The following TENM3 variants were observed in gnomAD, a reference collection of about 807,000 sequenced individuals.
The protein encoded by TENM3 is teneurin-3.
In TENM3, 63 loss-of-function variants were observed where a neutral mutation model predicts 255.1. The observed-to-expected ratio is 0.25, with a 90% confidence interval of 0.20 to 0.30. TENM3 has a LOEUF of 0.30. TENM3 is among the 10% of genes least tolerant of loss of function. TENM3 has a pLI of 1.00. For missense variants in TENM3, 2,929 were observed against 3,461.1 expected, an observed-to-expected ratio of 0.85 and a Z score of 3.86; for synonymous variants, 1,306 against 1,322.3, an observed-to-expected ratio of 0.99 and a Z score of 0.27.
At chr4:182,279,396 G>A (rs545088324) in intron 1 of TENM3, among the ~76,000 whole-genome samples, 7 of 152,124 alleles carry the variant, frequency 4.6e-5, no homozygotes, top group African/African-American at 1.4e-4. Flanking sequence ...TCATAGTCTG[G>A]AAATGCAATG....
chr4:181,605,583 AG>A, the TENM3 span, among the ~76,000 whole-genome samples: 3,133 of 24,350 alleles, frequency 0.13, 536 homozygotes, highest in Admixed American at 0.22. Flanking sequence ...AGAGAAAGAA[AG>A]GAAAGAAAGA....
At chr4:181,501,833 C>T in the TENM3 span, among the ~76,000 whole-genome samples, 26 of 152,298 alleles carry the variant, frequency 1.7e-4, no homozygotes, top group South Asian at 5.2e-3. Flanking sequence ...GATTTCAAGT[C>T]GGTGCTATAG....
the TENM3 span, among the ~76,000 whole-genome samples, chr4:181,905,509 A>G: frequency 6.7e-6 from 1 of 149,812 alleles, no homozygotes; most frequent in African/African-American, 2.5e-5. Context: ...AAACGTGCCC[A>G]CTATGTTGCA....
chr4:182,317,734 A>G (rs1441624067), intron 1 of TENM3, among the ~76,000 whole-genome samples: 1 of 151,770 alleles, frequency 6.6e-6, no homozygotes, highest in Non-Finnish European at 1.5e-5. Flanking sequence ...TATATATATG[A>G]TTTTATTTTT....
intron 25 of TENM3, among the ~76,000 whole-genome samples, chr4:182,790,347 C>G (rs978002008): frequency 1.3e-5 from 2 of 152,172 alleles, no homozygotes; most frequent in East Asian, 3.9e-4. Context: ...CCAAAGAAAT[C>G]ACATCACATC....
intron 1 of TENM3, among the ~76,000 whole-genome samples, chr4:182,283,232 A>G (rs1760512152): frequency 6.6e-6 from 1 of 152,236 alleles, no homozygotes; most frequent in Non-Finnish European, 1.5e-5. Flanking sequence ...CGTAAATAAT[A>G]TGATAAACCA....
chr4:181,746,498 C>T, the TENM3 span, among the ~76,000 whole-genome samples: 4 of 151,858 alleles, frequency 2.6e-5, no homozygotes, highest in African/African-American at 9.7e-5. Context: ...CCTGATGATT[C>T]AAAGATAGGG....
the TENM3 span, among the ~76,000 whole-genome samples, chr4:181,675,228 GA>G: frequency 6.6e-6 from 1 of 152,024 alleles, no homozygotes; most frequent in African/African-American, 2.4e-5. Context: ...TTATGTGGAA[GA>G]TAGAGCTTTT....
chr4:181,661,696 A>G, the TENM3 span, among the ~76,000 whole-genome samples: 23,993 of 152,096 alleles, frequency 0.16, 2,206 homozygotes, highest in East Asian at 0.23. Flanking sequence ...AGGTGCGGTT[A>G]TCAGGGTCTG....
In TENM3 at chr4:182,801,215, A is replaced by C. The variant is rs548723647; in HGVS notation, c.*864A>C. 4.6e-5 allele frequency: 7 copies of C among 152,764 alleles called. No homozygotes were observed. Among genetic ancestry groups the C allele is most frequent in the Admixed American group, 2.6e-4 (4 of 15,302 alleles). The allele number at this position is 152,764 out of a possible 1,614,324, so 9.5% of individuals were successfully genotyped here. A position where few individuals can be genotyped will look rare whatever the true frequency, so the allele number is the denominator to read the frequency against. Reference sequence around the variant, plus strand: ...AATTATTATATTGTAGAGATATAACAACTTATGCCTATAATGTCCAGAAGT... The same window carrying C: ...AATTATTATATTGTAGAGATATAACCACTTATGCCTATAATGTCCAGAAGT... On this transcript the variant is annotated 3_prime_UTR_variant, in exon 28 of 28. Transcript: ENST00000511685.
At chr4:182,761,292 A>G (rs191269507) in intron 22 of TENM3, among the ~76,000 whole-genome samples, 2 of 152,072 alleles carry the variant, frequency 1.3e-5, no homozygotes, top group African/African-American at 4.8e-5. Flanking sequence ...GGTGGCACTC[A>G]CCTATAATCC....
chr4:182,316,940 G>A (rs745773238), intron 1 of TENM3, among the ~76,000 whole-genome samples: 5 of 152,170 alleles, frequency 3.3e-5, no homozygotes, highest in Admixed American at 6.5e-5. Flanking sequence ...TGTGATCCAT[G>A]GCACAGCTTA....
intron 4 of TENM3, among the ~76,000 whole-genome samples, chr4:182,619,225 A>T (rs1488272632): frequency 6.6e-6 from 1 of 152,128 alleles, no homozygotes; most frequent in East Asian, 1.9e-4. Flanking sequence ...CAGGAGATCA[A>T]GACCATCCTG....
At chr4:181,606,256 T>C in the TENM3 span, among the ~76,000 whole-genome samples, 1 of 152,254 alleles carries the variant, frequency 6.6e-6, no homozygotes, top group African/African-American at 2.4e-5. Context: ...ACAGTCAATG[T>C]CCATGTTGTC....
At chr4:182,175,204 C>T (rs1410441470) in intron 1 of TENM3, among the ~76,000 whole-genome samples, 1 of 151,382 alleles carries the variant, frequency 6.6e-6, no homozygotes, top group Non-Finnish European at 1.5e-5. Context: ...TTATTGGCAG[C>T]TGGCCAAGCC....
chr4:181,689,152 C>T, the TENM3 span, among the ~76,000 whole-genome samples: 1 of 152,206 alleles, frequency 6.6e-6, no homozygotes, highest in East Asian at 1.9e-4. Context: ...ATGCAGAACC[C>T]CCTGCCTGGA....
At chr4:182,760,693 G>A (rs1482493653) in intron 22 of TENM3, among the ~76,000 whole-genome samples, 1 of 152,176 alleles carries the variant, frequency 6.6e-6, no homozygotes, top group African/African-American at 2.4e-5. Context: ...ATGGGTCTCC[G>A]GCTTCTCATT....
the TENM3 span, among the ~76,000 whole-genome samples, chr4:181,469,442 G>A: frequency 6.6e-6 from 1 of 152,122 alleles, no homozygotes; most frequent in East Asian, 1.9e-4. Context: ...GGACAGAAAT[G>A]AAGCTTGTTT....
At chr4:181,741,941 A>T in the TENM3 span, among the ~76,000 whole-genome samples, 1 of 152,150 alleles carries the variant, frequency 6.6e-6, no homozygotes, top group African/African-American at 2.4e-5. Flanking sequence ...ATATCATCAA[A>T]CCTCAGTAAA....
Sources: gnomAD v4.1 joint callset for allele counts (sites outside exome capture counted in the v4.1 genomes callset) on GRCh38, gnomAD v4.1.1 for gene constraint, MANE v1.5 for transcripts, NCBI Gene and HGNC (gene_info 2026-07-23, HGNC 2026-07-21) for gene names.